The following PCDHGB4 variants were observed in gnomAD, a reference collection of about 807,000 sequenced individuals.
The protein encoded by PCDHGB4 is protocadherin gamma subfamily B, 4.
In PCDHGB4, 38 loss-of-function variants were observed where a neutral mutation model predicts 60.5. The ratio of observed to expected loss-of-function variants is 0.63; its 90% CI spans 0.48 to 0.82. The LOEUF (loss-of-function observed/expected upper bound fraction) is 0.82. Among genes scored for constraint, PCDHGB4 ranks in the 40% least tolerant of loss-of-function variants. The pLI, the probability that PCDHGB4 is intolerant of heterozygous loss-of-function variation, is 0.00. For missense variants in PCDHGB4, 1,109 were observed against 1,209.6 expected (o/e 0.92, Z 1.23); for synonymous variants, 456 against 509.7 (o/e 0.89, Z 1.42).
intron 1 of PCDHGB4, among the ~76,000 whole-genome samples, chr5:141,402,305 A>AT (rs2150927260): frequency 6.6e-6 from 1 of 152,140 alleles, no homozygotes; most frequent in South Asian, 2.1e-4. Flanking sequence ...GTATTAATAC[A>AT]ATTATATATT....
intron 1 of PCDHGB4, chr5:141,400,256 G>A (rs756430299): frequency 9.9e-6 from 16 of 1,613,986 alleles, no homozygotes; most frequent in Admixed American, 1.7e-5. Context: ...GTTGCCTTGC[G>A]CCTGCGACGC....
In PCDHGB4 at chr5:141,389,747, G is replaced by C. The variant is rs766506538; in HGVS notation, c.1863G>C (p.Thr621=). 6 of 1,612,724 alleles carry C rather than the reference G, an allele frequency of 3.7e-6. No individual in the cohort carries two copies. The South Asian group carries it at 4.4e-5, about 12-fold the overall frequency. ...EPGLFSLGLR[T]GEVRTARALG... is the part of the protein sequence containing the mutation. ...GGCTCTTCAGCCTGGGGCTGCGCAC[G>C]GGCGAAGTGCGCACAGCGCGTGCCT... is the stretch of plus-strand genomic sequence containing the variant. The change falls in exon 1 of 4, where the codon ACG becomes ACC. Residue 621 remains threonine (T), a synonymous_variant. Coordinates refer to ENST00000519479, the MANE Select transcript of PCDHGB4 (RefSeq NM_003736.4).
intron 1 of PCDHGB4, among the ~76,000 whole-genome samples, chr5:141,425,603 A>G (rs2096884807): frequency 6.6e-6 from 1 of 152,218 alleles, no homozygotes; most frequent in Non-Finnish European, 1.5e-5. Context: ...TATGCCCTAT[A>G]TAGCTTTCAG....
At chr5:141,478,795 C>T (rs919747545) in intron 1 of PCDHGB4, 7 of 1,468,056 alleles carry the variant, frequency 4.8e-6, no homozygotes, top group Non-Finnish European at 6.3e-6. Flanking sequence ...ACATCCTCAG[C>T]ACTCTTTTGC....
chr5:141,393,121 T>A, intron 1 of PCDHGB4: 1 of 1,613,428 alleles, frequency 6.2e-7, no homozygotes, highest in African/African-American at 1.3e-5. Context: ...CCGCGGTGTC[T>A]GATAAATATT....
intron 1 of PCDHGB4, chr5:141,403,617 G>A (rs369607013): frequency 1.8e-4 from 288 of 1,613,738 alleles, no homozygotes; most frequent in East Asian, 1.0e-3. Context: ...GAGCCGCGTC[G>A]CTCCAGCACA....
At chr5:141,467,495 C>T (rs1161557245) in intron 1 of PCDHGB4, among the ~76,000 whole-genome samples, 1 of 152,140 alleles carries the variant, frequency 6.6e-6, no homozygotes, top group Non-Finnish European at 1.5e-5. Context: ...ATTTAGATCC[C>T]TGATCTAATT....
chr5:141,459,503 A>T (rs1346447458), intron 1 of PCDHGB4, among the ~76,000 whole-genome samples: 1 of 152,242 alleles, frequency 6.6e-6, no homozygotes, highest in Non-Finnish European at 1.5e-5. Flanking sequence ...AGTGATGTGA[A>T]CAATCATGTA....
chr5:141,437,945 C>A (rs1204633193), intron 1 of PCDHGB4, among the ~76,000 whole-genome samples: 1 of 152,112 alleles, frequency 6.6e-6, no homozygotes, highest in Non-Finnish European at 1.5e-5. Flanking sequence ...ACCATATTGG[C>A]CAGAATGGTC....
At position 141,485,562 on chromosome 5, in the gene PCDHGB4, C is replaced by T. The variant is rs779890454; in HGVS notation, c.2398-9245C>T. 2.5e-6 allele frequency: 4 copies of T among 1,612,910 alleles called. No homozygotes were observed. Among genetic ancestry groups the T allele is most frequent in the Admixed American group, 1.7e-5 (1 of 59,996 alleles). On this transcript the variant is annotated intron_variant, in intron 1 of 3. Transcript: ENST00000519479. The surrounding 1 kb of genome is among the most constrained non-coding windows in gnomAD (Gnocchi z 5.7). ...GAGATCGTAGATGTGAATGATCACG[C>T]CCCCCGTTTTCCGCGGCAGCAGCTG... is the stretch of plus-strand genomic sequence containing the variant.
At position 141,410,845 on chromosome 5, in the gene PCDHGB4, TTGTC is replaced by T. The variant is rs1434874838; in HGVS notation, c.2397+20566_2397+20569del. 23 of 429,726 alleles carry T rather than the reference TTGTC, an allele frequency of 5.4e-5. 1 individual carries two copies. Among genetic ancestry groups the T allele is most frequent in the Admixed American group, 8.8e-5 (2 of 22,654 alleles). The allele number at this position is 429,726 out of a possible 1,614,324, so 26.6% of individuals were successfully genotyped here. A position where few individuals can be genotyped will look rare whatever the true frequency, so the allele number is the denominator to read the frequency against. Reference sequence around the variant, plus strand: ...TCACCAGACTGAAGATATTTTGTCTTTGTCTTTTTTTTTTTTTTTTTTTTTTGAG... The same window carrying T: ...TCACCAGACTGAAGATATTTTGTCTTTTTTTTTTTTTTTTTTTTTTTTGAG... On this transcript the variant is annotated intron_variant, in intron 1 of 3. Transcript: ENST00000519479.
rs749499883 is a variant in PCDHGB4 at position 141,486,382 on chromosome 5, C to T, written c.2398-8425C>T. ...TTGCCCTCAAGTCTGCCTTCAGGAA[C>T]CAGTTCTCCCTGGTGACTGCTGGAC... is the stretch of plus-strand genomic sequence containing the variant. On this transcript the variant is annotated intron_variant, in intron 1 of 3. Transcript: ENST00000519479. The surrounding 1 kb of genome is among the most constrained non-coding windows in gnomAD (Gnocchi z 5.0). 25 of 1,613,986 alleles carry T rather than the reference C, an allele frequency of 1.5e-5. No homozygotes were observed. The highest frequency in any genetic ancestry group is 1.9e-5 in the Non-Finnish European group (23 of 1,179,998).
At chr5:141,392,625 C>T (rs939952294) in intron 1 of PCDHGB4, 4 of 567,662 alleles carry the variant, frequency 7.0e-6, no homozygotes, top group Non-Finnish European at 8.9e-6. Context: ...CGAAAACACT[C>T]AGATCTCACA....
chr5:141,477,600 T>A lies in PCDHGB4; in HGVS notation c.2398-17207T>A, dbSNP rs746047124. The A allele has an allele frequency of 6.2e-6, 10 of 1,614,146 alleles. No homozygotes were observed. The highest frequency in any genetic ancestry group is 7.6e-6 in the Non-Finnish European group (9 of 1,180,026). ...CCGCAGAATGCTCGGCTTTCTTTCT[T>A]TCTCTTGGAGCAAGGAGCTGAAACC... On this transcript the variant is annotated intron_variant, in intron 1 of 3. Coordinates refer to ENST00000519479, the MANE Select transcript of PCDHGB4 (RefSeq NM_003736.4). This position sits in a 1 kb window ranked among gnomAD's most constrained non-coding sequence, Gnocchi z 4.9.
chr5:141,430,404 A>C (rs1054341813), intron 1 of PCDHGB4, among the ~76,000 whole-genome samples: 1 of 152,000 alleles, frequency 6.6e-6, no homozygotes, highest in African/African-American at 2.4e-5. Context: ...AAAGCTCACT[A>C]AAGTTTCTAT....
intron 1 of PCDHGB4, among the ~76,000 whole-genome samples, chr5:141,449,520 C>T (rs1384869748): frequency 1.4e-5 from 2 of 144,104 alleles, no homozygotes; most frequent in Non-Finnish European, 1.5e-5. Context: ...ACCTGGGAGG[C>T]GGAGGTTGCA....
intron 1 of PCDHGB4, chr5:141,421,516 T>C (rs199973694): frequency 6.8e-6 from 11 of 1,614,064 alleles, no homozygotes; most frequent in Non-Finnish European, 9.3e-6. Context: ...GGAGGAGCTC[T>C]GTGAGACGGT....
chr5:141,403,004 T>A, intron 1 of PCDHGB4: 1 of 1,613,990 alleles, frequency 6.2e-7, no homozygotes, highest in Non-Finnish European at 8.5e-7. Context: ...CCTGCTATGC[T>A]CGCTCCTGGG....
chr5:141,444,151 G>T (rs1031944414), intron 1 of PCDHGB4, among the ~76,000 whole-genome samples: 1 of 92,746 alleles, frequency 1.1e-5, no homozygotes, highest in Non-Finnish European at 2.1e-5. Flanking sequence ...GTGTGTACTG[G>T]ATTTTTTTTT....
Sources: allele counts gnomAD v4.1 joint callset (sites outside exome capture counted in the v4.1 genomes callset), GRCh38; gene constraint gnomAD v4.1.1; non-coding constraint Gnocchi (gnomAD v3.1); transcripts MANE v1.5; gene names NCBI Gene and HGNC (gene_info 2026-07-23, HGNC 2026-07-21).